Variants in PRDM7 observed in about 807,000 individuals in gnomAD.
The protein encoded by PRDM7 is PR/SET domain 7, also known as histone-lysine N-methyltransferase PRDM7.
Under a neutral mutation model 64.3 loss-of-function variants are expected in PRDM7, and 52 were observed. The ratio of observed to expected loss-of-function variants is 0.81; its 90% CI spans 0.65 to 1.02. The LOEUF (loss-of-function observed/expected upper bound fraction) is 1.02, where lower values mean the gene tolerates loss of function less well. PRDM7 is among the 50% of genes least tolerant of loss of function. The probability of loss-of-function intolerance (pLI) is 0.00; values close to 1 mark genes in which losing one functional copy is unlikely to be tolerated. For synonymous variants in PRDM7, 192 were observed against 210.1 expected (o/e 0.91, Z 0.74); for missense variants, 574 against 597.1 (o/e 0.96, Z 0.40).
At chr16:90,059,000 G>T (rs150531266) in intron 10 of PRDM7, among the ~76,000 whole-genome samples, 1 of 152,322 alleles carries the variant, frequency 6.6e-6, no homozygotes, top group African/African-American at 2.4e-5. Context: ...ATTGTCCTTA[G>T]TGACTTCCTA....
intron 8 of PRDM7, 47 bp from the exon 9 acceptor site, chr16:90,061,566 C>G: frequency 3.2e-6 from 5 of 1,541,176 alleles, no homozygotes; most frequent in Non-Finnish European, 4.5e-6. Context: ...GGTAAAAATC[C>G]GAAGAATTAT....
At chr16:90,065,393 GAAAAAA>G (rs35014946) in intron 5 of PRDM7, among the ~76,000 whole-genome samples, 33 of 92,770 alleles carry the variant, frequency 3.6e-4, no homozygotes, top group African/African-American at 1.5e-3. Context: ...AACTCTGTCT[GAAAAAA>G]AAAAAAAAAA....
intron 4 of PRDM7, among the ~76,000 whole-genome samples, chr16:90,073,797 C>G (rs548189493): frequency 4.6e-5 from 7 of 151,576 alleles, no homozygotes; most frequent in Non-Finnish European, 1.0e-4. Context: ...TTTTTCCCCC[C>G]GAGACGGAGT....
rs747756177 is a variant in PRDM7 at position 90,075,305 on chromosome 16, T to C, written c.193+46A>G. 1 of 1,613,962 alleles carries C rather than the reference T, an allele frequency of 6.2e-7. No individual in the cohort carries two copies. The highest frequency in any genetic ancestry group is 8.5e-7 in the Non-Finnish European group (1 of 1,179,856). Reference sequence around the variant, plus strand: ...TAAAATAATATAGGGACCAAAGACCTGTTTTATATCGCCCAGGCTGGTCTG... The same window carrying C: ...TAAAATAATATAGGGACCAAAGACCCGTTTTATATCGCCCAGGCTGGTCTG... On this transcript the variant is annotated intron_variant, in intron 3 of 10. Coordinates refer to ENST00000449207, the MANE Select transcript of PRDM7 (RefSeq NM_001098173.2). The surrounding 1 kb of genome is among the most constrained non-coding windows in gnomAD (Gnocchi z 4.3).
chr16:90,060,656 G>C, intron 9 of PRDM7, 33 bp from the exon 10 acceptor site: 1 of 1,610,724 alleles, frequency 6.2e-7, no homozygotes, highest in Non-Finnish European at 8.5e-7. Flanking sequence ...GAAAGAAAGA[G>C]GCAGTGAGTT....
Position 90,060,540 on chromosome 16 carries a change from C to G in PRDM7, c.1034G>C (p.Arg345Pro), listed in dbSNP as rs377489230. ...YHRQIFYRTC[R>P]VIRPGCELLV... ...CAGTTCACAGCCTGGCCTAATGACT[C>G]GGCAGGTTCTATAGAAGATCTGCCT... The change falls in exon 10 of 11, where the codon CGA becomes CCA. Residue 345 changes from arginine to proline, a missense_variant. Physicochemically the swap from Arg to Pro is moderately radical, Grantham distance 103. Coordinates refer to ENST00000449207, the MANE Select transcript of PRDM7 (RefSeq NM_001098173.2). 1 of 1,613,986 alleles carries G rather than the reference C, an allele frequency of 6.2e-7. No homozygotes were observed. Among genetic ancestry groups the G allele is most frequent in the Non-Finnish European group, 8.5e-7 (1 of 1,179,938 alleles).
chr16:90,057,658 C>T lies in PRDM7; in HGVS notation c.*631G>A. 1.8e-6 allele frequency: 2 copies of T among 1,110,826 alleles called. No homozygotes were observed. Among genetic ancestry groups the T allele is most frequent in the Non-Finnish European group, 2.3e-6 (2 of 873,566 alleles). 68.8% of individuals were successfully genotyped at this position (1,110,826 alleles called of 1,614,324 possible). On this transcript the variant is annotated 3_prime_UTR_variant, in exon 11 of 11. Transcript: ENST00000449207. The stretch of plus-strand genomic sequence containing the variant: ...AGAACTATCCCCTGTTCTTCCTCAA[C>T]TCTAGTCATGAAAGTGGCGGATTTG...
chr16:90,075,316 G>T lies in PRDM7; in HGVS notation c.193+35C>A, dbSNP rs756861496. 6.2e-7 allele frequency: 1 copy of T among 1,614,028 alleles called. No homozygotes were observed. Among genetic ancestry groups the T allele is most frequent in the South Asian group, 1.1e-5 (1 of 91,070 alleles). On this transcript the variant is annotated intron_variant, in intron 3 of 10. Transcript: ENST00000449207. The surrounding 1 kb of genome is among the most constrained non-coding windows in gnomAD (Gnocchi z 4.3). ...AGGGACCAAAGACCTGTTTTATATC[G>T]CCCAGGCTGGTCTGTGCCCAGCACT...
intron 5 of PRDM7, among the ~76,000 whole-genome samples, chr16:90,064,848 A>G (rs554852707): frequency 1.3e-5 from 2 of 150,486 alleles, no homozygotes; most frequent in South Asian, 4.2e-4. Flanking sequence ...CCTCCCGAGT[A>G]GTTGGGATTA....
Position 90,060,616 on chromosome 16 carries a change from T to A in PRDM7, c.958A>T (p.Asn320Tyr), listed in dbSNP as rs1399204878. The A allele has an allele frequency of 6.2e-7, 1 of 1,614,036 alleles. No individual in the cohort carries two copies. Among genetic ancestry groups the A allele is most frequent in the South Asian group, 1.1e-5 (1 of 91,068 alleles). The change falls in exon 10 of 11, where the codon AAC (asparagine) becomes TAC (tyrosine). Residue 320 changes from asparagine (N) to tyrosine (Y), a missense_variant. Physicochemically the swap from Asn to Tyr is moderately radical, Grantham distance 143 (BLOSUM62 -2). Coordinates refer to ENST00000449207, the MANE Select transcript of PRDM7 (RefSeq NM_001098173.2). The stretch of plus-strand genomic sequence containing the variant: ...TGCTCTTCATCATCCCGGGCACAGT[T>A]CACATACCTGGGGTCAAGGCAGGCA... ...KSSANWMRYV[N>Y]CARDDEEQNL...
intron 4 of PRDM7, among the ~76,000 whole-genome samples, chr16:90,072,350 T>A (rs1255345622): frequency 6.6e-6 from 1 of 152,200 alleles, no homozygotes; most frequent in Non-Finnish European, 1.5e-5. Flanking sequence ...GACAAATGAA[T>A]GGATTTTCAA....
At position 90,076,267 on chromosome 16, in the gene PRDM7, T is replaced by G. The variant is rs573586723; in HGVS notation, c.-85-272A>C. Among the ~76,000 whole-genome samples, 29 of 152,250 alleles carry G rather than the reference T, an allele frequency of 1.9e-4. No homozygotes were observed. The East Asian group carries it at 2.1e-3, about 11-fold the overall frequency. ...AGGGTGGCACAGGTGCCTGGAGGGT[T>G]GTAGCTACCGGTGTTTGAGGGGAGT... is the stretch of plus-strand genomic sequence containing the variant. On this transcript the variant is annotated intron_variant, in intron 1 of 10. Coordinates refer to ENST00000449207, the MANE Select transcript of PRDM7 (RefSeq NM_001098173.2).
intron 4 of PRDM7, 63 bp downstream of exon 4, chr16:90,074,853 T>C: frequency 6.5e-7 from 1 of 1,540,864 alleles, no homozygotes; most frequent in Non-Finnish European, 8.9e-7. Context: ...CACTCCAGCC[T>C]GGGCAACAAG....
intron 9 of PRDM7, 49 bp from the exon 10 acceptor site, chr16:90,060,672 C>T (rs3826200): frequency 0.12 from 190,578 of 1,602,026 alleles, 20,493 homozygotes; most frequent in East Asian, 0.63. Flanking sequence ...GAGTTCCCTC[C>T]AGGCAGGATG....
In PRDM7 at chr16:90,060,489, C is replaced by G; in HGVS notation, c.1085G>C (p.Gly362Ala). 1 of 1,613,712 alleles carries G rather than the reference C, an allele frequency of 6.2e-7. No homozygotes were observed. The highest frequency in any genetic ancestry group is 8.5e-7 in the Non-Finnish European group (1 of 1,179,830). Residue 362 changes from glycine to alanine, a missense_variant, in exon 10 of 11, where the codon GGC becomes GCC. Gly to Ala is a moderately conservative substitution (Grantham distance 60). Transcript: ENST00000449207. Reference sequence around the variant, plus strand: ...AGAAGATCTGATGCCCAGTTCCTGGCCATACTCATCCCCAGACCAGACCAG... The same window carrying G: ...AGAAGATCTGATGCCCAGTTCCTGGGCATACTCATCCCCAGACCAGACCAG... ...ELLVWSGDEYGQELGIRSSIE... is the reference protein window; with the variant it reads ...ELLVWSGDEYAQELGIRSSIE...
At chr16:90,063,415 G>T (rs1320100686) in intron 6 of PRDM7, among the ~76,000 whole-genome samples, 197 bp downstream of exon 6, 1 of 152,104 alleles carries the variant, frequency 6.6e-6, no homozygotes, top group Non-Finnish European at 1.5e-5. Flanking sequence ...TCCAGCCTGG[G>T]TGACAGAGTA....
rs756349853 is a variant in PRDM7, at chr16:90,074,977, G to T, written c.240C>A (p.Ala80=). The change falls in exon 4 of 11, where the codon GCC becomes GCA. Residue 80 remains alanine (A), a synonymous_variant. Transcript: ENST00000449207. ...RPAFMCHRRQ[A]IKLQVDDTED... is the part of the protein sequence containing the mutation. ...CTGTGTCATCCACCTGGAGTTTGAT[G>T]GCCTGCCTTCGGTGACACATGAAAG... is the stretch of plus-strand genomic sequence containing the variant. 40 of 1,614,034 alleles carry T rather than the reference G, an allele frequency of 2.5e-5. No individual in the cohort carries two copies. Among genetic ancestry groups the T allele is most frequent in the Non-Finnish European group, 3.3e-5 (39 of 1,180,040 alleles).
chr16:90,060,788 C>T (rs1452047933), intron 9 of PRDM7, among the ~76,000 whole-genome samples, 165 bp from the exon 10 acceptor site: 2 of 152,210 alleles, frequency 1.3e-5, no homozygotes, highest in Non-Finnish European at 2.9e-5. Flanking sequence ...CCATAAAACA[C>T]ATTGACCTCT....
rs9926854 is a variant in PRDM7, at chr16:90,063,592, C to A, written c.508+20G>T. 1.9e-6 allele frequency: 3 copies of A among 1,611,204 alleles called. No individual in the cohort carries two copies. The highest frequency in any genetic ancestry group is 2.7e-5 in the African/African-American group (2 of 74,822). ...CTAGAGGACATAGAGGGACTAAATT[C>A]CCCTCAAATTTTTTCTTACCCAGTT... On this transcript the variant is annotated intron_variant, in intron 6 of 10. Transcript: ENST00000449207.
Sources: allele counts gnomAD v4.1 joint callset (sites outside exome capture counted in the v4.1 genomes callset), GRCh38; gene constraint gnomAD v4.1.1; non-coding constraint Gnocchi (gnomAD v3.1); transcripts MANE v1.5; gene names NCBI Gene and HGNC (gene_info 2026-07-23, HGNC 2026-07-21).